Variants in ESYT3 observed in about 807,000 individuals in gnomAD.
ESYT3 encodes the protein extended synaptotagmin-3.
ESYT3 carries 101 observed loss-of-function variants against 111.5 expected under a neutral mutation model. The ratio of observed to expected loss-of-function variants is 0.91; its 90% confidence interval spans 0.77 to 1.07. ESYT3 has a LOEUF of 1.07. ESYT3 is among the 50% of genes least tolerant of loss of function. The probability of loss-of-function intolerance (pLI) is 0.00; values close to 1 mark genes in which losing one functional copy is unlikely to be tolerated. For missense variants in ESYT3, 1,097 were observed against 1,109.4 expected, an observed-to-expected ratio of 0.99 and a Z score of 0.16; for synonymous variants, 416 against 446.8, an observed-to-expected ratio of 0.93 and a Z score of 0.87.
At chr3:138,452,706 G>C (rs1173926224) in intron 2 of ESYT3, among the ~76,000 whole-genome samples, 1 of 152,158 alleles carries the variant, frequency 6.6e-6, no homozygotes, top group Non-Finnish European at 1.5e-5. Context: ...GCCCCTCCCT[G>C]ATCTGCCCAG....
At position 138,468,726 on chromosome 3, in the gene ESYT3, C is replaced by T. The variant is rs1679167; in HGVS notation, c.1371+9C>T. On this transcript the variant is annotated intron_variant, in intron 13 of 22. Transcript: ENST00000389567. ...GTGCCTGCAACTTGCCGGTGAGTGG[C>T]GACATGTCCAGAGTGTCACACAAAC... 0.58 allele frequency: 930,010 copies of T among 1,613,204 alleles called. 274,151 individuals carry two copies. The highest frequency in any genetic ancestry group is 0.95 in the East Asian group (42,538 of 44,872).
In ESYT3 at chr3:138,434,786, C is replaced by G; in HGVS notation, c.-13C>G. Reference sequence around the variant, plus strand: ...GGTGAAGCTCTCGGGAAGGGCAAGACTGCGGCGACGAGATGCGAGCAGAGG... The same window carrying G: ...GGTGAAGCTCTCGGGAAGGGCAAGAGTGCGGCGACGAGATGCGAGCAGAGG... On this transcript the variant is annotated 5_prime_UTR_variant, in exon 1 of 23. Transcript: ENST00000389567. 1 of 1,535,980 alleles carries G rather than the reference C, an allele frequency of 6.5e-7. No homozygotes were observed. Among genetic ancestry groups the G allele is most frequent in the African/African-American group, 1.4e-5 (1 of 72,792 alleles).
chr3:138,469,245 G>A, intron 14 of ESYT3, 191 bp from the exon 15 acceptor site: 3 of 607,142 alleles, frequency 4.9e-6, no homozygotes, highest in South Asian at 4.0e-5. Context: ...GCTTTCTGGG[G>A]TTGGTCCTGT....
chr3:138,452,190 C>G, intron 2 of ESYT3, 101 bp downstream of exon 2: 1 of 1,182,918 alleles, frequency 8.5e-7, no homozygotes, highest in South Asian at 1.4e-5. Flanking sequence ...GCGGCAATTT[C>G]CTTGCCTGAC....
chr3:138,451,274 G>A (rs774015), intron 1 of ESYT3, among the ~76,000 whole-genome samples: 107,584 of 152,038 alleles, frequency 0.71, 39,440 homozygotes, highest in East Asian at 0.99. Context: ...ACTATAGGAA[G>A]GGCCTAAGGG....
At chr3:138,459,809 G>A (rs1321048802) in intron 5 of ESYT3, 136 bp from the exon 6 acceptor site, 5 of 681,162 alleles carry the variant, frequency 7.3e-6, no homozygotes, top group Non-Finnish European at 1.3e-5. Context: ...GTGAGAGCAG[G>A]CAGCTTGGGG....
intron 3 of ESYT3, among the ~76,000 whole-genome samples, chr3:138,457,053 C>T (rs1293479105): frequency 2.0e-5 from 3 of 152,164 alleles, no homozygotes; most frequent in Non-Finnish European, 4.4e-5. Context: ...ACAGAGGACT[C>T]CTCACACGAC....
In ESYT3 at chr3:138,478,386, C is replaced by T. The variant is rs2033581992; in HGVS notation, c.*1532C>T. On this transcript the variant is annotated 3_prime_UTR_variant, in exon 23 of 23. Coordinates refer to ENST00000389567, the MANE Select transcript of ESYT3 (RefSeq NM_031913.5). ...AGGTTTCTATTTTAAATGGCAAATT[C>T]TCATAATAAAATGGAGCATTGATGC... is the stretch of plus-strand genomic sequence containing the variant. 1.3e-5 allele frequency: 2 copies of T among 152,086 alleles called. No individual in the cohort carries two copies. Among genetic ancestry groups the T allele is most frequent in the African/African-American group, 4.8e-5 (2 of 41,384 alleles). 9.4% of individuals were successfully genotyped at this position (152,086 alleles called of 1,614,324 possible). A position where few individuals can be genotyped will look rare whatever the true frequency, so the allele number is the denominator to read the frequency against.
chr3:138,447,822 C>T (rs1183852710), intron 1 of ESYT3, among the ~76,000 whole-genome samples: 3 of 151,664 alleles, frequency 2.0e-5, no homozygotes, highest in Non-Finnish European at 2.9e-5. Flanking sequence ...TTAACCGTGT[C>T]AGCCCACAAG....
intron 18 of ESYT3, 140 bp from the exon 19 acceptor site, chr3:138,473,396 T>A: frequency 1.3e-6 from 1 of 761,156 alleles, no homozygotes; most frequent in Non-Finnish European, 2.1e-6. Flanking sequence ...CTGAATTCCA[T>A]CTGAAAGTAA....
chr3:138,457,682 A>G (rs1456291210), intron 4 of ESYT3, 38 bp downstream of exon 4: 1 of 1,590,838 alleles, frequency 6.3e-7, no homozygotes, highest in Non-Finnish European at 8.6e-7. Flanking sequence ...TTCGGGGTGC[A>G]GGGGACACAG....
chr3:138,443,026 T>C (rs543745544), intron 1 of ESYT3, among the ~76,000 whole-genome samples: 1 of 152,246 alleles, frequency 6.6e-6, no homozygotes, highest in East Asian at 1.9e-4. Flanking sequence ...ATCGCTTAGG[T>C]CCCCTTTAAA....
rs750617824 is a variant in ESYT3, at chr3:138,470,070, A to C, written c.1514A>C (p.His505Pro). ...CTCTTCTGTTCCCAGACCTGTCCCC[A>C]CAACAAGGACCCTGTGTGGAGCCAG... is the stretch of plus-strand genomic sequence containing the variant. Reference protein sequence around the residue: ...KKTHTSKTCPHNKDPVWSQVF... With the variant: ...KKTHTSKTCPPNKDPVWSQVF... The change falls in exon 16 of 23, where the codon CAC (histidine) becomes CCC (proline). Residue 505 changes from histidine (H) to proline (P), a missense_variant. Coordinates refer to ENST00000389567, the MANE Select transcript of ESYT3 (RefSeq NM_031913.5). 1 of 1,612,654 alleles carries C rather than the reference A, an allele frequency of 6.2e-7. No homozygotes were observed. The highest frequency in any genetic ancestry group is 8.5e-7 in the Non-Finnish European group (1 of 1,179,044).
intron 10 of ESYT3, among the ~76,000 whole-genome samples, chr3:138,466,488 G>C (rs762779316): frequency 6.6e-6 from 1 of 152,114 alleles, no homozygotes; most frequent in African/African-American, 2.4e-5. Flanking sequence ...TGCAATTTTT[G>C]TAATGTTGCA....
At chr3:138,455,660 G>GA (rs997947209) in intron 3 of ESYT3, among the ~76,000 whole-genome samples, 1 of 152,208 alleles carries the variant, frequency 6.6e-6, no homozygotes, top group Admixed American at 6.5e-5. Flanking sequence ...TACAAAGATG[G>GA]AAATCATAGT....
At chr3:138,453,386 G>A (rs957332702) in intron 2 of ESYT3, among the ~76,000 whole-genome samples, 9 of 152,172 alleles carry the variant, frequency 5.9e-5, no homozygotes, top group Non-Finnish European at 8.8e-5. Flanking sequence ...CACCGAGTGT[G>A]TCCTAACAAG....
In ESYT3 at chr3:138,435,812, G is replaced by C. The variant is rs915209575; in HGVS notation, c.327+687G>C. On this transcript the variant is annotated intron_variant, in intron 1 of 22. Transcript: ENST00000389567. The surrounding 1 kb of genome is among the most constrained non-coding windows in gnomAD (Gnocchi z 4.8). ...TCCTGGCTTACCTAACAAAACCCAA[G>C]TTCTGGGCCCCATTGCATAACTCCC... Among the ~76,000 whole-genome samples the C allele has an allele frequency of 6.6e-6, 1 of 152,198 alleles. No individual in the cohort carries two copies. Among genetic ancestry groups the C allele is most frequent in the Non-Finnish European group, 1.5e-5 (1 of 68,024 alleles).
intron 1 of ESYT3, among the ~76,000 whole-genome samples, chr3:138,449,904 G>C (rs925768573): frequency 7.9e-5 from 12 of 152,208 alleles, no homozygotes; most frequent in African/African-American, 2.9e-4. Context: ...GACTTTAATA[G>C]GGGTGAGGCC....
Position 138,472,487 on chromosome 3 carries a change from A to G in ESYT3, c.1865A>G (p.Glu622Gly), listed in dbSNP as rs1468545482. ...NQGPKAQPQE[E>G]GPTDLPCPPD... ...GGTCCCAAAGCCCAACCTCAGGAAG[A>G]AGGCCCTACAGATTTGCCATGTCCC... Residue 622 changes from glutamate (E) to glycine (G), a missense_variant, in exon 18 of 23, where the codon GAA becomes GGA. Glu to Gly is a moderately conservative substitution (Grantham distance 98). Transcript: ENST00000389567. 4.3e-6 allele frequency: 7 copies of G among 1,614,128 alleles called. No individual in the cohort carries two copies. The highest frequency in any genetic ancestry group is 2.2e-5 in the South Asian group (2 of 91,094).
Sources: allele counts gnomAD v4.1 joint callset (sites outside exome capture counted in the v4.1 genomes callset), GRCh38; gene constraint gnomAD v4.1.1; non-coding constraint Gnocchi (gnomAD v3.1); transcripts MANE v1.5; gene names NCBI Gene and HGNC (gene_info 2026-07-23, HGNC 2026-07-21).